The following MAP2K5 variants were observed in gnomAD, a reference collection of about 807,000 sequenced individuals.
MAP2K5 encodes the protein mitogen-activated protein kinase kinase 5.
A neutral mutation model predicts 83.1 loss-of-function variants in MAP2K5; 49 were observed. The ratio of observed to expected loss-of-function variants is 0.59; its 90% CI spans 0.47 to 0.75. The LOEUF (loss-of-function observed/expected upper bound fraction) is 0.75, where lower values mean the gene tolerates loss of function less well. Among genes scored for constraint, MAP2K5 ranks in the 30% least tolerant of loss-of-function variants. The probability of loss-of-function intolerance (pLI) is 0.00; values close to 1 mark genes in which losing one functional copy is unlikely to be tolerated. For synonymous variants in MAP2K5, 202 were observed against 191.8 expected, an observed-to-expected ratio of 1.05 and a Z score of -0.44; for missense variants, 457 against 557.5, an observed-to-expected ratio of 0.82 and a Z score of 1.82.
chr15:67,630,524 A>G lies in MAP2K5; in HGVS notation c.546-364A>G. Among the ~76,000 whole-genome samples, 2 of 152,228 alleles carry G rather than the reference A, an allele frequency of 1.3e-5. 1 individual carries two copies. The highest frequency in any genetic ancestry group is 2.9e-5 in the Non-Finnish European group (2 of 68,042). On this transcript the variant is annotated intron_variant, in intron 8 of 21. Transcript: ENST00000178640. ...ATAGAGCTATAGAGAACCCACATGC[A>G]CAGTGACAGTCATAAGGGATCTGGA...
At chr15:67,714,813 C>T (rs560823425) in intron 16 of MAP2K5, among the ~76,000 whole-genome samples, 11 of 152,238 alleles carry the variant, frequency 7.2e-5, no homozygotes, top group African/African-American at 2.6e-4. Flanking sequence ...TTTAGGATTT[C>T]AGGTTTTTGG....
intron 8 of MAP2K5, among the ~76,000 whole-genome samples, chr15:67,606,684 T>A (rs1431398484): frequency 6.6e-6 from 1 of 152,202 alleles, no homozygotes; most frequent in African/African-American, 2.4e-5. Flanking sequence ...AGAGGCCAAC[T>A]AAAACATTAA....
chr15:67,708,862 G>A lies in MAP2K5; in HGVS notation c.1044+5454G>A, dbSNP rs1215141203. ...CTTAAGCAAAGAAACTTTAATATCA[G>A]ACTATCTTTTATCCAGGGACAGAAT... On this transcript the variant is annotated intron_variant, in intron 16 of 21. Coordinates refer to ENST00000178640, the MANE Select transcript of MAP2K5 (RefSeq NM_145160.3). The surrounding 1 kb of genome is among the most constrained non-coding windows in gnomAD (Gnocchi z 4.9). 2.0e-5 allele frequency among the ~76,000 whole-genome samples: 3 copies of A among 151,864 alleles called. No individual in the cohort carries two copies. Among genetic ancestry groups the A allele is most frequent in the African/African-American group, 7.3e-5 (3 of 41,294 alleles).
chr15:67,616,240 A>G (rs1032111392), intron 8 of MAP2K5, among the ~76,000 whole-genome samples: 1 of 152,174 alleles, frequency 6.6e-6, no homozygotes, highest in Non-Finnish European at 1.5e-5. Flanking sequence ...AAGTATAGAA[A>G]CTGATGATCC....
intron 12 of MAP2K5, among the ~76,000 whole-genome samples, chr15:67,660,120 T>A (rs7172511): frequency 1.3e-5 from 2 of 151,928 alleles, no homozygotes; most frequent in Non-Finnish European, 2.9e-5. Context: ...TGTCCAATTT[T>A]TCCAGCTTTT....
intron 17 of MAP2K5, among the ~76,000 whole-genome samples, chr15:67,745,979 C>T (rs1205594913): frequency 1.3e-5 from 2 of 152,082 alleles, no homozygotes; most frequent in South Asian, 2.1e-4. Flanking sequence ...AACCTGATAA[C>T]GTCTCTCTTT....
At chr15:67,685,747 A>G (rs1249618007) in intron 13 of MAP2K5, among the ~76,000 whole-genome samples, 1 of 152,248 alleles carries the variant, frequency 6.6e-6, no homozygotes, top group African/African-American at 2.4e-5. Flanking sequence ...TTAAAGCAGC[A>G]TATTGTAAAT....
rs189804125 is a variant in MAP2K5, at chr15:67,637,419, G to A, written c.585+6492G>A. Among the ~76,000 whole-genome samples the A allele has an allele frequency of 7.1e-4, 108 of 152,162 alleles. 1 individual carries two copies. Among genetic ancestry groups the A allele is most frequent in the Middle Eastern group, 3.4e-3 (1 of 294 alleles). ...GGTTAGTCTAGAACTAATTTTCCCC[G>A]TGCAGCAGAGGTAGTACTCTTCTGA... is the stretch of plus-strand genomic sequence containing the variant. On this transcript the variant is annotated intron_variant, in intron 9 of 21. Coordinates refer to ENST00000178640, the MANE Select transcript of MAP2K5 (RefSeq NM_145160.3). This position sits in a 1 kb window ranked among gnomAD's most constrained non-coding sequence, Gnocchi z 4.5.
intron 19 of MAP2K5, among the ~76,000 whole-genome samples, chr15:67,762,083 A>G (rs1422299479): frequency 6.6e-6 from 1 of 152,246 alleles, no homozygotes; most frequent in African/African-American, 2.4e-5. Flanking sequence ...AGCTCATTTA[A>G]TGGTTCCTAA....
At position 67,603,499 on chromosome 15, in the gene MAP2K5, A is replaced by T. The variant is rs537740446; in HGVS notation, c.545+2750A>T. 3.3e-5 allele frequency among the ~76,000 whole-genome samples: 5 copies of T among 152,262 alleles called. No individual in the cohort carries two copies. In the East Asian group the frequency reaches 9.6e-4, roughly 29 times the overall value. ...GAATGACAGTATCCTGATAATTTTCATTCTTATATAGTAGATTTCTTATAA... is the reference window on the plus strand; with the variant it reads ...GAATGACAGTATCCTGATAATTTTCTTTCTTATATAGTAGATTTCTTATAA... On this transcript the variant is annotated intron_variant, in intron 8 of 21. Coordinates refer to ENST00000178640, the MANE Select transcript of MAP2K5 (RefSeq NM_145160.3).
rs547812330 is a variant in MAP2K5 at position 67,744,957 on chromosome 15, C to A, written c.1075-3274C>A. ...CCCCATTTAAACACATAAGAGTCTG[C>A]CTTACATCAGAATGAGACGTAACTA... is the stretch of plus-strand genomic sequence containing the variant. On this transcript the variant is annotated intron_variant, in intron 17 of 21. Transcript: ENST00000178640. Among the ~76,000 whole-genome samples the A allele has an allele frequency of 5.2e-4, 79 of 152,180 alleles. 1 individual carries two copies. Among genetic ancestry groups the A allele is most frequent in the South Asian group, 4.6e-3 (22 of 4,824 alleles).
At chr15:67,697,659 T>C (rs1216826530) in intron 15 of MAP2K5, among the ~76,000 whole-genome samples, 1 of 152,230 alleles carries the variant, frequency 6.6e-6, no homozygotes, top group Non-Finnish European at 1.5e-5. Flanking sequence ...TCTCTAATTA[T>C]AAGCACAGCA....
intron 4 of MAP2K5, 118 bp downstream of exon 4, chr15:67,580,941 C>CA: frequency 1.4e-6 from 1 of 703,434 alleles, no homozygotes; most frequent in Non-Finnish European, 2.5e-6. Flanking sequence ...ATTCGAAAAA[C>CA]AAAAGAAGTA....
At chr15:67,582,055 A>ATTTTTTTTTTTTTTTTTTTTTTT (rs1233297576) in intron 4 of MAP2K5, among the ~76,000 whole-genome samples, 2 of 134,866 alleles carry the variant, frequency 1.5e-5, no homozygotes, top group Non-Finnish European at 1.6e-5. Context: ...GATGTAGATG[A>ATTTTTTTTTTTTTTTTTTTTTTT]TTTCTTTTTT....
chr15:67,775,973 G>A lies in MAP2K5; in HGVS notation c.1242+3221G>A, dbSNP rs2090231083. Among the ~76,000 whole-genome samples, 1 of 152,118 alleles carries A rather than the reference G, an allele frequency of 6.6e-6. No individual in the cohort carries two copies. Reference sequence around the variant, plus strand: ...TTCCACTTCTATACAAGGAACCCTGGGAACACCACACTTATCCACATGGAT... The same window carrying A: ...TTCCACTTCTATACAAGGAACCCTGAGAACACCACACTTATCCACATGGAT... On this transcript the variant is annotated intron_variant, in intron 21 of 21. Transcript: ENST00000178640. The surrounding 1 kb of genome is among the most constrained non-coding windows in gnomAD (Gnocchi z 5.3).
rs1186189745 is a variant in MAP2K5, at chr15:67,748,593, G to A, written c.1126G>A (p.Val376Ile). The change falls in exon 19 of 22, where the codon GTT (valine) becomes ATT (isoleucine). Residue 376 changes from valine to isoleucine, a missense_variant. Val to Ile is a conservative substitution (Grantham distance 29). This residue lies in a region of MAP2K5 where 168 missense variants were observed against 263.0 expected (regional missense o/e 0.64). Coordinates refer to ENST00000178640, the MANE Select transcript of MAP2K5 (RefSeq NM_145160.3). The surrounding 1 kb of genome is among the most constrained non-coding windows in gnomAD (Gnocchi z 4.0). ...GCCTCTCCAGCTTCTGCAGTGCATT[G>A]TTGATGAGGTGAGGCATCGTCTTAT... ...LMPLQLLQCI[V>I]DEDSPVLPVG... 9 of 1,613,944 alleles carry A rather than the reference G, an allele frequency of 5.6e-6. No individual in the cohort carries two copies. The highest frequency in any genetic ancestry group is 6.8e-6 in the Non-Finnish European group (8 of 1,179,904).
In MAP2K5 at chr15:67,775,179, C is replaced by G. The variant is rs574127120; in HGVS notation, c.1242+2427C>G. Among the ~76,000 whole-genome samples the G allele has an allele frequency of 3.7e-4, 56 of 152,260 alleles. No individual in the cohort carries two copies. Among genetic ancestry groups the G allele is most frequent in the African/African-American group, 1.3e-3 (52 of 41,544 alleles). ...AATCATCATCTTGGCAGTTTTTGAC[C>G]ATGTCAGTCTTAAAGATTAATGTAA... On this transcript the variant is annotated intron_variant, in intron 21 of 21. Transcript: ENST00000178640. The surrounding 1 kb of genome is among the most constrained non-coding windows in gnomAD (Gnocchi z 5.3).
intron 17 of MAP2K5, among the ~76,000 whole-genome samples, chr15:67,740,217 G>A (rs1041661038): frequency 3.9e-5 from 6 of 152,122 alleles, no homozygotes; most frequent in African/African-American, 7.2e-5. Context: ...CTAGTATAGC[G>A]CCTGGCATAG....
rs562926233 is a variant in MAP2K5, at chr15:67,636,553, A to T, written c.585+5626A>T. Among the ~76,000 whole-genome samples the T allele has an allele frequency of 2.6e-5, 4 of 151,358 alleles. No homozygotes were observed. Among genetic ancestry groups the T allele is most frequent in the Non-Finnish European group, 2.9e-5 (2 of 67,864 alleles). On this transcript the variant is annotated intron_variant, in intron 9 of 21. Transcript: ENST00000178640. The surrounding 1 kb of genome is among the most constrained non-coding windows in gnomAD (Gnocchi z 4.7). ...GGGTTGTATTTTTCACTTTTTTTTC[A>T]TATCTTATAATTTTTTTTAAGTGAA...
Sources: allele counts gnomAD v4.1 joint callset (sites outside exome capture counted in the v4.1 genomes callset), GRCh38; gene constraint gnomAD v4.1.1; regional missense constraint gnomAD v4.1.1; non-coding constraint Gnocchi (gnomAD v3.1); transcripts MANE v1.5; gene names NCBI Gene and HGNC (gene_info 2026-07-23, HGNC 2026-07-21).